The following WNK2 variants were observed in gnomAD, a reference collection of about 807,000 sequenced individuals.
The protein encoded by WNK2 is serine/threonine-protein kinase WNK2.
Under a neutral mutation model 192.1 loss-of-function variants are expected in WNK2, and 67 were observed. That is an observed-to-expected ratio of 0.35 (90% CI 0.29 to 0.43). The LOEUF is 0.43. Among genes scored for constraint, WNK2 ranks in the 20% least tolerant of loss-of-function variants. The probability of loss-of-function intolerance (pLI) is 1.00; values close to 1 mark genes in which losing one functional copy is unlikely to be tolerated. For synonymous variants in WNK2, 1,439 were observed against 1,393.9 expected (o/e 1.03, Z -0.72); for missense variants, 2,698 against 3,089.7 (o/e 0.87, Z 3.01).
rs1273479945 is a variant in WNK2 at position 93,310,453 on chromosome 9, A to C, written c.6516+1869A>C. On this transcript the variant is annotated intron_variant, in intron 28 of 29. Transcript: ENST00000427277. ...TATTTTTGTCATGGCAAAAAAATAT[A>C]TATATATATATAAAACACAAAATTT... 2.0e-5 allele frequency among the ~76,000 whole-genome samples: 3 copies of C among 149,054 alleles called. No homozygotes were observed. The East Asian group carries it at 5.9e-4, about 29-fold the overall frequency.
At position 93,184,195 on chromosome 9, in the gene WNK2, G is replaced by T. The variant is rs1828834365; in HGVS notation, c.-193G>T. ...GAGCGGAGCCGCGCGAAGCCGGCAG[G>T]AGCACGCGGGAGCGCGGCCCCGCAG... On this transcript the variant is annotated 5_prime_UTR_variant, in exon 1 of 30. Coordinates refer to ENST00000427277, the MANE Select transcript of WNK2 (RefSeq NM_006648.4). Among the ~76,000 whole-genome samples, 1 of 150,338 alleles carries T rather than the reference G, an allele frequency of 6.7e-6. No individual in the cohort carries two copies. The highest frequency in any genetic ancestry group is 2.0e-4 in the East Asian group (1 of 5,124).
At chr9:93,255,567 A>G (rs142614804) in intron 9 of WNK2, among the ~76,000 whole-genome samples, 3 of 152,266 alleles carry the variant, frequency 2.0e-5, no homozygotes, top group Admixed American at 1.3e-4. Context: ...TGGGCATGCC[A>G]TCACTCACGT....
At chr9:93,251,305 G>A (rs1333692698) in intron 8 of WNK2, among the ~76,000 whole-genome samples, 1 of 151,552 alleles carries the variant, frequency 6.6e-6, no homozygotes, top group Non-Finnish European at 1.5e-5. Flanking sequence ...TTTTAGTAGA[G>A]GTGGGGTTTC....
In WNK2 at chr9:93,292,994, C is replaced by T. The variant is rs762864112; in HGVS notation, c.5529C>T (p.Phe1843=). 2 of 1,571,012 alleles carry T rather than the reference C, an allele frequency of 1.3e-6. No individual in the cohort carries two copies. Among genetic ancestry groups the T allele is most frequent in the Middle Eastern group, 1.7e-4 (1 of 5,862 alleles). ...ACTTCGTGAAGAAGGCCACCGCCTT[C>T]CTGCAGAGGCCTTCTCGGGCCGGCT... The part of the protein sequence containing the change: ...AGDFVKKATA[F]LQRPSRAGSL... The change falls in exon 23 of 30, where the codon TTC becomes TTT. Residue 1843 remains phenylalanine (F), a synonymous_variant. Coordinates refer to ENST00000427277, the MANE Select transcript of WNK2 (RefSeq NM_006648.4).
chr9:93,281,432 A>T (rs62571755), intron 19 of WNK2, among the ~76,000 whole-genome samples: 4 of 152,218 alleles, frequency 2.6e-5, no homozygotes, highest in Admixed American at 6.5e-5. Flanking sequence ...AAATTAAGAC[A>T]TCAGAGGATG....
intron 28 of WNK2, among the ~76,000 whole-genome samples, chr9:93,310,774 A>G (rs1853499023): frequency 6.6e-6 from 1 of 152,172 alleles, no homozygotes; most frequent in Non-Finnish European, 1.5e-5. Flanking sequence ...AATGTTTTCA[A>G]GGTGCATCCA....
intron 29 of WNK2, 41 bp downstream of exon 29, chr9:93,317,672 G>A: frequency 1.3e-6 from 2 of 1,591,836 alleles, no homozygotes; most frequent in Non-Finnish European, 8.6e-7. Flanking sequence ...CCTGTGCGCT[G>A]CCTCTGGGTC....
Position 93,184,867 on chromosome 9 carries a change from C to A in WNK2, c.-2-61C>A, listed in dbSNP as rs569715513. 1.3e-3 allele frequency: 1,517 copies of A among 1,180,880 alleles called. 1 individual carries two copies. The highest frequency in any genetic ancestry group is 1.6e-3 in the Non-Finnish European group (1,482 of 952,352). 73.2% of individuals were successfully genotyped at this position (1,180,880 alleles called of 1,614,324 possible). A position where few individuals can be genotyped will look rare whatever the true frequency, so the allele number is the denominator to read the frequency against. On this transcript the variant is annotated intron_variant, in intron 1 of 29. Coordinates refer to ENST00000427277, the MANE Select transcript of WNK2 (RefSeq NM_006648.4). ...CTTAGGGCGGCGTTGTCTCATCCGG[C>A]GGCCTGGGCAGGTGCGGCAGGGCCG...
chr9:93,270,913 T>C (rs763147957), intron 19 of WNK2, among the ~76,000 whole-genome samples: 1 of 152,180 alleles, frequency 6.6e-6, no homozygotes, highest in Admixed American at 6.5e-5. Context: ...CACCTTGTCA[T>C]TCATGGCACA....
chr9:93,284,845 C>T (rs4743909), intron 19 of WNK2, among the ~76,000 whole-genome samples: 133,618 of 152,222 alleles, frequency 0.88, 59,753 homozygotes, highest in East Asian at 1. Flanking sequence ...AAGAAAATGC[C>T]ATTGATTTCT....
chr9:93,193,189 CGCACT>C (rs1009334177), intron 2 of WNK2, among the ~76,000 whole-genome samples: 4 of 152,150 alleles, frequency 2.6e-5, no homozygotes, highest in African/African-American at 7.2e-5. Context: ...AGGTCCCAGC[CGCACT>C]GCCCTGGTGC....
At chr9:93,189,631 A>C (rs899164382) in intron 2 of WNK2, among the ~76,000 whole-genome samples, 1 of 152,034 alleles carries the variant, frequency 6.6e-6, no homozygotes, top group Non-Finnish European at 1.5e-5. Context: ...TGGTCCCCCC[A>C]CCATCCTCCA....
intron 2 of WNK2, among the ~76,000 whole-genome samples, chr9:93,202,038 G>A (rs996680741): frequency 1.3e-5 from 2 of 152,200 alleles, no homozygotes; most frequent in African/African-American, 4.8e-5. Flanking sequence ...TGGCTGCGCT[G>A]GAGGTCACAG....
At chr9:93,232,989 G>A (rs540538848) in intron 4 of WNK2, among the ~76,000 whole-genome samples, 62 of 147,190 alleles carry the variant, frequency 4.2e-4, no homozygotes, top group South Asian at 6.4e-4. Flanking sequence ...AAAAAAAGGC[G>A]GGGGAAGGAA....
chr9:93,316,349 A>G (rs955022005), intron 28 of WNK2: 1 of 152,130 alleles, frequency 6.6e-6, no homozygotes, highest in Admixed American at 6.6e-5. Context: ...CTGGGAGTGG[A>G]TTCAGTCTGT....
rs1169100541 is a variant in WNK2, at chr9:93,289,308, C to T, written c.4554C>T (p.Pro1518=). Reference sequence around the variant, plus strand: ...CCACCTCCCAGCTCCCAAGCCCACCCCTGGGGCCCACCGTCCCCCCACAGC... The same window carrying T: ...CCACCTCCCAGCTCCCAAGCCCACCTCTGGGGCCCACCGTCCCCCCACAGC... ...SLATSQLPSP[P]LGPTVPPQPP... is the part of the protein sequence containing the mutation. The change falls in exon 20 of 30, where the codon CCC becomes CCT. Residue 1518 remains proline, a synonymous_variant. Transcript: ENST00000427277. The T allele has an allele frequency of 6.3e-7, 1 of 1,599,758 alleles. No individual in the cohort carries two copies. The highest frequency in any genetic ancestry group is 8.5e-7 in the Non-Finnish European group (1 of 1,173,910).
At chr9:93,276,748 A>G (rs758276645) in intron 19 of WNK2, among the ~76,000 whole-genome samples, 4 of 152,232 alleles carry the variant, frequency 2.6e-5, no homozygotes, top group Non-Finnish European at 5.9e-5. Flanking sequence ...ATAAAAAATG[A>G]GCAACTTGGC....
At chr9:93,260,186 G>A (rs537703520) in intron 12 of WNK2, among the ~76,000 whole-genome samples, 15 of 152,272 alleles carry the variant, frequency 9.9e-5, no homozygotes, top group South Asian at 4.1e-4. Context: ...GTGAAGGGGC[G>A]CTCTGGAACA....
rs907321153 is a variant in WNK2 at position 93,239,227 on chromosome 9, C to T, written c.1323-530C>T. On this transcript the variant is annotated intron_variant, in intron 6 of 29. Coordinates refer to ENST00000427277, the MANE Select transcript of WNK2 (RefSeq NM_006648.4). This position sits in a 1 kb window ranked among gnomAD's most constrained non-coding sequence, Gnocchi z 4.2. ...TGGGGCCCCCCCAGTTCTGCAGGTC[C>T]TCACTCTCCTCCAGCTCACCCTCTG... is the stretch of plus-strand genomic sequence containing the variant. Among the ~76,000 whole-genome samples the T allele has an allele frequency of 2.0e-5, 3 of 152,206 alleles. No homozygotes were observed. In the South Asian group the frequency reaches 6.2e-4, roughly 31 times the overall value.
Sources: gnomAD v4.1 joint callset for allele counts (sites outside exome capture counted in the v4.1 genomes callset) on GRCh38, gnomAD v4.1.1 for gene constraint, Gnocchi (gnomAD v3.1) non-coding constraint, MANE v1.5 for transcripts, NCBI Gene and HGNC (gene_info 2026-07-23, HGNC 2026-07-21) for gene names.